The following PLCB4 variants were observed in gnomAD, a reference collection of about 807,000 sequenced individuals.
PLCB4 encodes 1-phosphatidylinositol 4,5-bisphosphate phosphodiesterase beta-4.
PLCB4 carries 77 observed loss-of-function variants against 178.8 expected under a neutral mutation model. That is an observed-to-expected ratio of 0.43 (90% CI 0.36 to 0.52). The LOEUF (loss-of-function observed/expected upper bound fraction) is 0.52. Among genes scored for constraint, PLCB4 ranks in the 20% least tolerant of loss-of-function variants. The probability of loss-of-function intolerance (pLI) is 0.00; values close to 1 mark genes in which losing one functional copy is unlikely to be tolerated. For missense variants in PLCB4, 1,024 were observed against 1,453.4 expected (o/e 0.70, Z 4.80); for synonymous variants, 496 against 490.8 (o/e 1.01, Z -0.14).
At chr20:9,164,958 G>T (rs2092945730) in intron 2 of PLCB4, among the ~76,000 whole-genome samples, 1 of 152,164 alleles carries the variant, frequency 6.6e-6, no homozygotes, top group African/African-American at 2.4e-5. Flanking sequence ...TGTAAAAGTG[G>T]TTGAAATGTG....
At chr20:9,237,311 C>T (rs1167528909) in intron 3 of PLCB4, among the ~76,000 whole-genome samples, 2 of 152,052 alleles carry the variant, frequency 1.3e-5, no homozygotes, top group African/African-American at 4.8e-5. Context: ...ACCCACACCC[C>T]CATATATCCT....
intron 2 of PLCB4, among the ~76,000 whole-genome samples, chr20:9,213,226 ACTCTAT>A (rs1187845015): frequency 7.4e-6 from 1 of 135,908 alleles, no homozygotes; most frequent in East Asian, 2.1e-4. Flanking sequence ...CTCACTACAA[ACTCTAT>A]CTCCCAGGTT....
intron 2 of PLCB4, among the ~76,000 whole-genome samples, chr20:9,201,677 A>G (rs749497542): frequency 3.3e-5 from 5 of 152,210 alleles, no homozygotes; most frequent in Admixed American, 6.5e-5. Flanking sequence ...AAAAATCACA[A>G]TGAGATATTA....
In PLCB4 at chr20:9,478,956, C is replaced by T. The variant is rs577795454; in HGVS notation, c.3568C>T (p.Arg1190Ter). 9.0e-5 allele frequency: 145 copies of T among 1,613,524 alleles called. 1 individual carries two copies. The South Asian group carries it at 1.1e-3, about 12-fold the overall frequency. ...GDAADGEIGS[R>*]DGPQTSNSSM... ...TGCAGCAGATGGTGAAATTGGAAGCCGAGATGGACCGCAGACCAGCAACAG... is the reference window on the plus strand; with the variant it reads ...TGCAGCAGATGGTGAAATTGGAAGCTGAGATGGACCGCAGACCAGCAACAG... Residue 1190 changes from arginine (R) to a stop codon, truncating the protein, a stop_gained, in exon 40 of 40, where the codon CGA (arginine) becomes TGA (stop). Transcript: ENST00000378473. LOFTEE classifies it high-confidence loss of function.
intron 25 of PLCB4, among the ~76,000 whole-genome samples, chr20:9,413,217 G>A (rs554316877): frequency 2.2e-4 from 34 of 152,116 alleles, no homozygotes; most frequent in African/African-American, 7.7e-4. Context: ...CACTTTCCTT[G>A]CCCACCTCAG....
intron 3 of PLCB4, among the ~76,000 whole-genome samples, chr20:9,277,274 A>G (rs925841277): frequency 6.6e-6 from 1 of 152,080 alleles, no homozygotes; most frequent in South Asian, 2.1e-4. Context: ...CCATTTTTTG[A>G]AAAGCATGAG....
chr20:9,120,674 C>T (rs2091932492), intron 2 of PLCB4, among the ~76,000 whole-genome samples: 1 of 152,104 alleles, frequency 6.6e-6, no homozygotes, highest in African/African-American at 2.4e-5. Context: ...CCAAGCTCAC[C>T]TCCACTCACC....
At chr20:9,086,233 G>C (rs1190978962) in intron 1 of PLCB4, among the ~76,000 whole-genome samples, 1 of 152,134 alleles carries the variant, frequency 6.6e-6, no homozygotes, top group African/African-American at 2.4e-5. Context: ...ATATGTTTCT[G>C]TGTGAGGATC....
intron 3 of PLCB4, among the ~76,000 whole-genome samples, chr20:9,251,983 A>G (rs1292250289): frequency 2.6e-5 from 4 of 152,172 alleles, no homozygotes; most frequent in African/African-American, 9.7e-5. Context: ...CTTTGAAATT[A>G]AGTCTGTATT....
chr20:9,292,117 T>G (rs982500337), intron 3 of PLCB4, among the ~76,000 whole-genome samples: 1 of 152,208 alleles, frequency 6.6e-6, no homozygotes, highest in African/African-American at 2.4e-5. Flanking sequence ...TCCAAAGCAC[T>G]TTGCCCATTT....
intron 30 of PLCB4, among the ~76,000 whole-genome samples, chr20:9,439,029 TG>T: frequency 6.6e-6 from 1 of 152,190 alleles, no homozygotes; most frequent in Non-Finnish European, 1.5e-5. Context: ...CTAAGAAGAA[TG>T]ATGAGTGAAT....
rs1488852157 is a variant in PLCB4, at chr20:9,480,640, TA to T, written c.*1633del. ...TGCAGATTCTAGTTGACTTCAGTTGTAATAGACTTGTTTTTCTCCTATTTAT... is the reference window on the plus strand; with the variant it reads ...TGCAGATTCTAGTTGACTTCAGTTGTATAGACTTGTTTTTCTCCTATTTAT... On this transcript the variant is annotated 3_prime_UTR_variant, in exon 40 of 40. Coordinates refer to ENST00000378473, the MANE Select transcript of PLCB4 (RefSeq NM_001377142.1). 1.3e-5 allele frequency: 2 copies of T among 152,220 alleles called. No individual in the cohort carries two copies. Among genetic ancestry groups the T allele is most frequent in the African/African-American group, 4.8e-5 (2 of 41,462 alleles). The allele number at this position is 152,220 out of a possible 1,614,324, so 9.4% of individuals were successfully genotyped here.
chr20:9,229,461 T>C (rs143347113), intron 3 of PLCB4, among the ~76,000 whole-genome samples: 1 of 152,124 alleles, frequency 6.6e-6, no homozygotes, highest in East Asian at 1.9e-4. Context: ...TCAGTGCCTT[T>C]CATGGAGGTT....
chr20:9,297,374 G>A (rs959970191), intron 3 of PLCB4, among the ~76,000 whole-genome samples: 1 of 152,010 alleles, frequency 6.6e-6, no homozygotes, highest in Admixed American at 6.6e-5. Context: ...AGGGGAAAGG[G>A]TCAGAGTGGG....
At chr20:9,456,969 T>C (rs188313534) in intron 33 of PLCB4, among the ~76,000 whole-genome samples, 21 of 152,314 alleles carry the variant, frequency 1.4e-4, no homozygotes, top group Admixed American at 1.0e-3. Flanking sequence ...TGCCCTGTGG[T>C]GCCAAGGATT....
chr20:9,186,021 T>G (rs2093324001), intron 2 of PLCB4, among the ~76,000 whole-genome samples: 1 of 152,226 alleles, frequency 6.6e-6, no homozygotes, highest in Non-Finnish European at 1.5e-5. Flanking sequence ...AGAATGTAAG[T>G]GCCATAGTGG....
intron 2 of PLCB4, among the ~76,000 whole-genome samples, chr20:9,186,130 C>G (rs977031964): frequency 1.3e-5 from 2 of 152,072 alleles, no homozygotes; most frequent in Non-Finnish European, 2.9e-5. Context: ...AAATGAACGC[C>G]CATTCAAGGG....
intron 3 of PLCB4, among the ~76,000 whole-genome samples, chr20:9,219,234 C>T (rs2093768773): frequency 6.6e-6 from 1 of 152,166 alleles, no homozygotes; most frequent in Non-Finnish European, 1.5e-5. Flanking sequence ...CTTTGGGAGG[C>T]CGAGGCGGGT....
intron 12 of PLCB4, among the ~76,000 whole-genome samples, chr20:9,373,910 T>C (rs2036457562): frequency 6.6e-6 from 1 of 152,082 alleles, no homozygotes. Flanking sequence ...GAAAATTCAC[T>C]TTTTTTTCTA....
Sources: allele counts gnomAD v4.1 joint callset (sites outside exome capture counted in the v4.1 genomes callset), GRCh38; gene constraint gnomAD v4.1.1; transcripts MANE v1.5; gene names NCBI Gene and HGNC (gene_info 2026-07-23, HGNC 2026-07-21).